PARM1: variants seen among roughly 807,000 people sequenced by gnomAD.
PARM1 encodes prostate androgen-regulated mucin-like protein 1.
In PARM1, 14 loss-of-function variants were observed where a neutral mutation model predicts 24.6. The observed-to-expected ratio is 0.57, with a 90% CI of 0.38 to 0.89. The LOEUF is 0.89. Ranked by LOEUF, PARM1 falls within the 40% of genes least tolerant of loss-of-function variation. The probability of loss-of-function intolerance (pLI) is 0.00; values close to 1 mark genes in which losing one functional copy is unlikely to be tolerated. For synonymous variants in PARM1, 179 were observed against 156.6 expected (o/e 1.14, Z -1.07); for missense variants, 362 against 380.4 (o/e 0.95, Z 0.40).
At chr4:74,942,125 G>T (rs150705101) in intron 1 of PARM1, among the ~76,000 whole-genome samples, 43 of 152,202 alleles carry the variant, frequency 2.8e-4, no homozygotes, top group African/African-American at 1.0e-3. Flanking sequence ...AACAGGCAAA[G>T]GATTTATTTT....
chr4:75,012,513 C>T lies in PARM1; in HGVS notation c.132C>T (p.Ser44=), dbSNP rs1451724730. ...TACCACCGACCACCATCTGGACTAGCTCTCCACAAAACACTGATGCAGACA... is the reference window on the plus strand; with the variant it reads ...TACCACCGACCACCATCTGGACTAGTTCTCCACAAAACACTGATGCAGACA... ...NIVPPTTIWT[S]SPQNTDADTA... The change falls in exon 2 of 4, where the codon AGC becomes AGT. Residue 44 remains serine, a synonymous_variant. Coordinates refer to ENST00000307428, the MANE Select transcript of PARM1 (RefSeq NM_015393.4). 2.5e-6 allele frequency: 4 copies of T among 1,613,960 alleles called. No individual in the cohort carries two copies. The highest frequency in any genetic ancestry group is 1.6e-4 in the Middle Eastern group (1 of 6,062).
chr4:74,961,310 GAT>G (rs1308493834), intron 1 of PARM1, among the ~76,000 whole-genome samples: 5 of 152,020 alleles, frequency 3.3e-5, no homozygotes, highest in African/African-American at 7.2e-5. Context: ...GAATCTGTGG[GAT>G]ATCATCAAGC....
chr4:74,970,070 TCTC>T (rs1318813627), intron 1 of PARM1: 2 of 152,140 alleles, frequency 1.3e-5, no homozygotes, highest in Non-Finnish European at 2.9e-5. Context: ...GCGGTCAGTA[TCTC>T]CACTCACATG....
chr4:74,960,334 C>T (rs545510467), intron 1 of PARM1, among the ~76,000 whole-genome samples: 2 of 152,198 alleles, frequency 1.3e-5, no homozygotes, highest in Non-Finnish European at 2.9e-5. Flanking sequence ...TCTTCTTCCC[C>T]TTTTGGGAGA....
chr4:75,028,725 C>T lies in PARM1; in HGVS notation c.770-5158C>T, dbSNP rs1723225703. Among the ~76,000 whole-genome samples, 3 of 152,190 alleles carry T rather than the reference C, an allele frequency of 2.0e-5. No individual in the cohort carries two copies. In the South Asian group the frequency reaches 6.2e-4, roughly 32 times the overall value. On this transcript the variant is annotated intron_variant, in intron 2 of 3. Transcript: ENST00000307428. Reference sequence around the variant, plus strand: ...CTTTTTCACCTCTGGAAACTTTCCACCATCACCTCCTCCACCCCCAGCTCT... The same window carrying T: ...CTTTTTCACCTCTGGAAACTTTCCATCATCACCTCCTCCACCCCCAGCTCT...
At chr4:74,994,068 G>A (rs1481883507) in intron 1 of PARM1, 1 of 152,120 alleles carries the variant, frequency 6.6e-6, no homozygotes, top group Admixed American at 6.6e-5. Context: ...GAAATATAGG[G>A]AAGGAATTAA....
At chr4:74,968,670 A>C (rs890109203) in intron 1 of PARM1, among the ~76,000 whole-genome samples, 2 of 152,310 alleles carry the variant, frequency 1.3e-5, no homozygotes, top group South Asian at 4.1e-4. Flanking sequence ...TTCTTTTGCC[A>C]ATGATCGTTC....
intron 3 of PARM1, among the ~76,000 whole-genome samples, chr4:75,038,625 C>T (rs746041999): frequency 6.6e-6 from 1 of 152,188 alleles, no homozygotes; most frequent in Admixed American, 6.5e-5. Context: ...TATTCTGAAA[C>T]GTCTGTGAAG....
intron 1 of PARM1, chr4:74,955,847 A>G (rs574385704): frequency 6.6e-6 from 1 of 152,360 alleles, no homozygotes; most frequent in African/African-American, 2.4e-5. Context: ...TTTTTCCATT[A>G]CAGTCCATTA....
At chr4:74,953,882 T>C (rs958803704) in intron 1 of PARM1, among the ~76,000 whole-genome samples, 1 of 152,094 alleles carries the variant, frequency 6.6e-6, no homozygotes, top group East Asian at 1.9e-4. Flanking sequence ...GAAAGGGAAG[T>C]GGGTCACGCC....
chr4:74,985,974 G>A (rs1722348029), intron 1 of PARM1, among the ~76,000 whole-genome samples: 1 of 151,940 alleles, frequency 6.6e-6, no homozygotes, highest in Non-Finnish European at 1.5e-5. Context: ...TCACTATGTT[G>A]GCCAGACTGG....
Position 75,049,857 on chromosome 4 carries a change from C to CTTTTTTTTTTTT in PARM1, c.*3618_*3619insTTTTTTTTTTTT, listed in dbSNP as rs958932898. ...TGATTCACCTTCTTTGCCTTTAAGC[C>CTTTTTTTTTTTT]TTTTTTTTCTTTTTTTTTTTTTTGG... On this transcript the variant is annotated 3_prime_UTR_variant, in exon 4 of 4. Coordinates refer to ENST00000307428, the MANE Select transcript of PARM1 (RefSeq NM_015393.4). 1.4e-5 allele frequency: 2 copies of CTTTTTTTTTTTT among 138,688 alleles called. No homozygotes were observed. Among genetic ancestry groups the CTTTTTTTTTTTT allele is most frequent in the African/African-American group, 3.0e-5 (1 of 33,666 alleles). 8.6% of individuals were successfully genotyped at this position (138,688 alleles called of 1,614,324 possible).
chr4:74,936,895 A>G (rs1025770647), intron 1 of PARM1, among the ~76,000 whole-genome samples: 4 of 152,190 alleles, frequency 2.6e-5, no homozygotes, highest in African/African-American at 9.6e-5. Flanking sequence ...CACAAACCTC[A>G]TGGTCCTATT....
intron 2 of PARM1, among the ~76,000 whole-genome samples, chr4:75,016,988 T>C (rs72860993): frequency 0.066 from 10,102 of 152,168 alleles, 1,140 homozygotes; most frequent in African/African-American, 0.23. Context: ...ATTTCCTCAA[T>C]TCTCAGCCTG....
At chr4:74,994,799 TATAAATAAATAAATAAATAA>T (rs3062355) in intron 1 of PARM1, among the ~76,000 whole-genome samples, 1 of 145,066 alleles carries the variant, frequency 6.9e-6, no homozygotes, top group Non-Finnish European at 1.5e-5. Context: ...TCTCAAAAAA[TATAAATAAATAAATAAATAA>T]ATAAATAAAT....
chr4:75,014,964 G>C (rs1722953204), intron 2 of PARM1, among the ~76,000 whole-genome samples: 1 of 152,134 alleles, frequency 6.6e-6, no homozygotes, highest in African/African-American at 2.4e-5. Flanking sequence ...GATATCTTAA[G>C]AACCATCTTA....
At chr4:75,013,268 T>A in intron 2 of PARM1, 118 bp downstream of exon 2, 1 of 1,061,612 alleles carries the variant, frequency 9.4e-7, no homozygotes. Flanking sequence ...TAAGTTGAAT[T>A]ATAATTCACA....
At chr4:74,994,131 T>C (rs1410793666) in intron 1 of PARM1, 1 of 152,136 alleles carries the variant, frequency 6.6e-6, no homozygotes, top group African/African-American at 2.4e-5. Flanking sequence ...GTGTGATGTG[T>C]AGAAGGAAAG....
chr4:74,989,638 G>T (rs1426620002), intron 1 of PARM1, among the ~76,000 whole-genome samples: 5 of 152,106 alleles, frequency 3.3e-5, no homozygotes, highest in African/African-American at 9.7e-5. Flanking sequence ...GGCCACTGAT[G>T]ATCAACTCCA....
Sources: gnomAD v4.1 joint callset for allele counts (sites outside exome capture counted in the v4.1 genomes callset) on GRCh38, gnomAD v4.1.1 for gene constraint, MANE v1.5 for transcripts, NCBI Gene and HGNC (gene_info 2026-07-23, HGNC 2026-07-21) for gene names.